NRG3: variants seen among roughly 807,000 people sequenced by gnomAD.
NRG3 encodes the protein pro-neuregulin-3, membrane-bound isoform.
In NRG3, 31 loss-of-function variants were observed where a neutral mutation model predicts 66.9. That is an observed-to-expected ratio of 0.46 (90% confidence interval 0.35 to 0.63). NRG3 has a LOEUF of 0.63. NRG3 is among the 20% of genes least tolerant of loss of function. NRG3 has a pLI of 0.00. For synonymous variants in NRG3, 393 were observed against 359.4 expected, an observed-to-expected ratio of 1.09 and a Z score of -1.06; for missense variants, 910 against 878.9, an observed-to-expected ratio of 1.04 and a Z score of -0.45.
intron 3 of NRG3, among the ~76,000 whole-genome samples, chr10:82,821,266 C>A (rs550114779): frequency 9.9e-5 from 15 of 152,242 alleles, no homozygotes; most frequent in Admixed American, 7.2e-4. Context: ...GCCCTACTGC[C>A]CTTTTGTAAG....
At chr10:82,162,094 G>T (rs909550066) in intron 1 of NRG3, among the ~76,000 whole-genome samples, 1 of 152,028 alleles carries the variant, frequency 6.6e-6, no homozygotes, top group Non-Finnish European at 1.5e-5. Context: ...AATAGATTCT[G>T]TTCTTGAAGA....
At chr10:82,489,347 G>A (rs1842922497) in intron 2 of NRG3, among the ~76,000 whole-genome samples, 2 of 152,126 alleles carry the variant, frequency 1.3e-5, no homozygotes, top group African/African-American at 4.8e-5. Context: ...TCTTTGTTTA[G>A]GTTCATCTGA....
intron 1 of NRG3, among the ~76,000 whole-genome samples, chr10:81,894,825 C>G (rs1301810018): frequency 6.6e-6 from 1 of 152,130 alleles, no homozygotes; most frequent in Admixed American, 6.5e-5. Flanking sequence ...CTATGCTGCT[C>G]TGCACCTGGG....
intron 1 of NRG3, among the ~76,000 whole-genome samples, chr10:82,086,928 C>G (rs750528088): frequency 2.3e-4 from 35 of 152,054 alleles, no homozygotes; most frequent in Non-Finnish European, 8.8e-5. Flanking sequence ...GCTGGACAAT[C>G]TGGAAGGATG....
intron 2 of NRG3, among the ~76,000 whole-genome samples, chr10:82,556,529 A>G (rs2044663390): frequency 6.6e-6 from 1 of 152,016 alleles, no homozygotes; most frequent in Middle Eastern, 3.4e-3. Flanking sequence ...ATGCCGACCA[A>G]TGGCATCTGC....
chr10:82,824,847 G>A (rs1336779951), intron 3 of NRG3, among the ~76,000 whole-genome samples: 2 of 151,768 alleles, frequency 1.3e-5, no homozygotes, highest in Non-Finnish European at 2.9e-5. Flanking sequence ...CTCCCAAGTA[G>A]TTGGGAATAC....
At chr10:82,575,013 G>C (rs995397233) in intron 2 of NRG3, among the ~76,000 whole-genome samples, 12 of 151,686 alleles carry the variant, frequency 7.9e-5, no homozygotes, top group African/African-American at 2.9e-4. Flanking sequence ...TTGTGCAACA[G>C]GGTGCCTATA....
chr10:82,461,923 G>A (rs1346173188), intron 2 of NRG3, among the ~76,000 whole-genome samples: 1 of 152,114 alleles, frequency 6.6e-6, no homozygotes, highest in Non-Finnish European at 1.5e-5. Context: ...CTGAGGTCTG[G>A]AGTTCGAGAC....
chr10:82,847,126 T>C (rs959235418), intron 3 of NRG3, among the ~76,000 whole-genome samples: 29 of 152,350 alleles, frequency 1.9e-4, no homozygotes, highest in Middle Eastern at 3.4e-3. Context: ...GCAGGAAGGC[T>C]GCTCTGTCCA....
At chr10:82,257,839 C>T (rs2077813182) in intron 1 of NRG3, among the ~76,000 whole-genome samples, 1 of 151,984 alleles carries the variant, frequency 6.6e-6, no homozygotes, top group Non-Finnish European at 1.5e-5. Flanking sequence ...TATTTTCTTG[C>T]ACTTTGCCCT....
chr10:82,662,974 A>G lies in NRG3; in HGVS notation c.954-75603A>G, dbSNP rs548466210. The stretch of plus-strand genomic sequence containing the variant: ...GAAGAAGAAAAAGACAACATGGGGT[A>G]AAAAGAGCCTTTCTTGAAGCCCATT... On this transcript the variant is annotated intron_variant, in intron 2 of 8. Coordinates refer to ENST00000372141, the MANE Select transcript of NRG3 (RefSeq NM_001010848.4). Among the ~76,000 whole-genome samples, 5 of 152,348 alleles carry G rather than the reference A, an allele frequency of 3.3e-5. No individual in the cohort carries two copies. The East Asian group carries it at 9.7e-4, about 29-fold the overall frequency.
chr10:82,481,654 T>C (rs1430072187), intron 2 of NRG3, among the ~76,000 whole-genome samples: 2 of 152,194 alleles, frequency 1.3e-5, no homozygotes, highest in Admixed American at 1.3e-4. Context: ...TTCATAAATA[T>C]TACTGTATGT....
At chr10:82,938,352 G>A (rs1848271954) in intron 4 of NRG3, among the ~76,000 whole-genome samples, 1 of 152,124 alleles carries the variant, frequency 6.6e-6, no homozygotes, top group African/African-American at 2.4e-5. Flanking sequence ...TATTTGAGAA[G>A]CTCCCGAGGT....
intron 1 of NRG3, among the ~76,000 whole-genome samples, chr10:82,058,967 T>C (rs1442779057): frequency 6.6e-6 from 1 of 151,962 alleles, no homozygotes; most frequent in Non-Finnish European, 1.5e-5. Flanking sequence ...TGGGGAATGG[T>C]GGAGAAGGAG....
At chr10:82,108,884 G>A (rs898033936) in intron 1 of NRG3, among the ~76,000 whole-genome samples, 1 of 152,132 alleles carries the variant, frequency 6.6e-6, no homozygotes, top group African/African-American at 2.4e-5. Flanking sequence ...AGTGGCCTCT[G>A]ATCCAATCTC....
intron 2 of NRG3, among the ~76,000 whole-genome samples, chr10:82,720,826 T>C (rs1047851772): frequency 2.3e-5 from 3 of 130,924 alleles, no homozygotes; most frequent in African/African-American, 1.0e-4. Flanking sequence ...TATATATATA[T>C]ATATATATAT....
At chr10:82,442,100 C>T (rs1564925593) in intron 2 of NRG3, among the ~76,000 whole-genome samples, 1 of 152,150 alleles carries the variant, frequency 6.6e-6, no homozygotes, top group Non-Finnish European at 1.5e-5. Context: ...TGTTTACATT[C>T]ACTGACCTGG....
intron 1 of NRG3, among the ~76,000 whole-genome samples, chr10:82,053,131 TTA>T (rs1213537280): frequency 7.1e-6 from 1 of 141,278 alleles, no homozygotes; most frequent in Non-Finnish European, 1.6e-5. Flanking sequence ...TTTCATTTGA[TTA>T]TTTTTTTTTT....
intron 4 of NRG3, among the ~76,000 whole-genome samples, chr10:82,886,690 T>A (rs1413049016): frequency 6.6e-6 from 1 of 152,178 alleles, no homozygotes; most frequent in East Asian, 1.9e-4. Flanking sequence ...TTCTTATACT[T>A]ACTGAGAACT....
Sources: gnomAD v4.1 joint callset for allele counts (sites outside exome capture counted in the v4.1 genomes callset) on GRCh38, gnomAD v4.1.1 for gene constraint, MANE v1.5 for transcripts, NCBI Gene and HGNC (gene_info 2026-07-23, HGNC 2026-07-21) for gene names.